CLCC1: variants seen among roughly 807,000 people sequenced by gnomAD.
CLCC1 encodes chloride channel CLIC like 1.
Under a neutral mutation model 63.3 loss-of-function variants are expected in CLCC1, and 39 were observed. The observed-to-expected ratio is 0.62, with a 90% CI of 0.48 to 0.81. The LOEUF (loss-of-function observed/expected upper bound fraction) is 0.81, where lower values mean the gene tolerates loss of function less well. Among genes scored for constraint, CLCC1 ranks in the 30% least tolerant of loss-of-function variants. The probability of loss-of-function intolerance (pLI) is 0.00; values close to 1 mark genes in which losing one functional copy is unlikely to be tolerated. For synonymous variants in CLCC1, 217 were observed against 239.8 expected (o/e 0.90, Z 0.88); for missense variants, 549 against 669.4 (o/e 0.82, Z 1.98).
Position 108,931,174 on chromosome 1 carries a change from C to A in CLCC1, c.*1373G>T. On this transcript the variant is annotated 3_prime_UTR_variant, in exon 13 of 13. Transcript: ENST00000369969. ...TAAGTTCTAATATAAAAACAAAAAACAAAACCCATGTGGTTAGGTCAAGAA... is the reference window on the plus strand; with the variant it reads ...TAAGTTCTAATATAAAAACAAAAAAAAAAACCCATGTGGTTAGGTCAAGAA... 2.4e-6 allele frequency: 2 copies of A among 823,174 alleles called. No homozygotes were observed. The highest frequency in any genetic ancestry group is 3.0e-5 in the East Asian group (1 of 33,214). 51.0% of individuals were successfully genotyped at this position (823,174 alleles called of 1,614,324 possible).
intron 12 of CLCC1, chr1:108,933,627 A>G (rs895248734): frequency 6.6e-6 from 1 of 152,266 alleles, no homozygotes; most frequent in African/African-American, 2.4e-5. Flanking sequence ...TAGTGTGAAT[A>G]TGGTTAAAAC....
At chr1:108,942,182 G>A (rs1405641902) in intron 7 of CLCC1, among the ~76,000 whole-genome samples, 1 of 152,164 alleles carries the variant, frequency 6.6e-6, no homozygotes, top group Middle Eastern at 3.2e-3. Flanking sequence ...AGGTTGCATT[G>A]AGCCGAGATT....
intron 6 of CLCC1, 80 bp from the exon 7 acceptor site, chr1:108,943,695 T>A: frequency 6.4e-7 from 1 of 1,565,140 alleles, no homozygotes; most frequent in South Asian, 1.1e-5. Flanking sequence ...AAGCACAAAA[T>A]CATTTCTACA....
intron 9 of CLCC1, 76 bp downstream of exon 9, chr1:108,939,969 T>C: frequency 7.5e-7 from 1 of 1,330,702 alleles, no homozygotes; most frequent in Non-Finnish European, 1.0e-6. Flanking sequence ...GCAAAATGAC[T>C]CAAACACTAA....
intron 2 of CLCC1, among the ~76,000 whole-genome samples, chr1:108,960,319 C>T (rs1656458061): frequency 6.6e-6 from 1 of 152,016 alleles, no homozygotes; most frequent in Non-Finnish European, 1.5e-5. Context: ...AGAAGACAAG[C>T]CAAAATATGC....
At position 108,929,916 on chromosome 1, in the gene CLCC1, A is replaced by G; in HGVS notation, c.*2631T>C. ...ATGCTTTGTTGGAGTTTAAAAATTCAGGGAAAAAATCGGCAGACCATTAGT... is the reference window on the plus strand; with the variant it reads ...ATGCTTTGTTGGAGTTTAAAAATTCGGGGAAAAAATCGGCAGACCATTAGT... On this transcript the variant is annotated 3_prime_UTR_variant, in exon 13 of 13. Transcript: ENST00000369969. 1 of 1,613,582 alleles carries G rather than the reference A, an allele frequency of 6.2e-7. No homozygotes were observed. The highest frequency in any genetic ancestry group is 8.5e-7 in the Non-Finnish European group (1 of 1,179,528).
chr1:108,945,347 C>T (rs1163551512), intron 5 of CLCC1, among the ~76,000 whole-genome samples: 2 of 152,084 alleles, frequency 1.3e-5, no homozygotes, highest in Non-Finnish European at 2.9e-5. Flanking sequence ...AAAATCACCC[C>T]TCTCCCCTCA....
At chr1:108,960,723 A>G (rs772787643) in intron 2 of CLCC1, among the ~76,000 whole-genome samples, 2 of 152,228 alleles carry the variant, frequency 1.3e-5, no homozygotes, top group Non-Finnish European at 2.9e-5. Context: ...AGAGAAATTA[A>G]GAGTAATTTG....
chr1:108,941,372 T>C (rs1455031656), intron 8 of CLCC1, 33 bp downstream of exon 8: 3 of 1,556,090 alleles, frequency 1.9e-6, no homozygotes, highest in South Asian at 2.3e-5. Context: ...AGAATTTCTA[T>C]TCAAAATAAG....
At chr1:108,939,824 C>T (rs777709863) in intron 9 of CLCC1, 42 bp from the exon 10 acceptor site, 1 of 1,597,542 alleles carries the variant, frequency 6.3e-7, no homozygotes, top group Non-Finnish European at 8.5e-7. Flanking sequence ...CCTCACAGGA[C>T]TAAGGTACAG....
At chr1:108,941,578 A>G in intron 7 of CLCC1, 80 bp from the exon 8 acceptor site, 1 of 934,556 alleles carries the variant, frequency 1.1e-6, no homozygotes. Context: ...CCTTCATTCA[A>G]AGAGTGTCTT....
At position 108,929,892 on chromosome 1, in the gene CLCC1, T is replaced by A; in HGVS notation, c.*2655A>T. The A allele has an allele frequency of 1.9e-6, 3 of 1,613,782 alleles. No individual in the cohort carries two copies. The highest frequency in any genetic ancestry group is 2.5e-6 in the Non-Finnish European group (3 of 1,179,632). ...GGCTAAAGGACTTTTTGCAAAATAA[T>A]GCTTTGTTGGAGTTTAAAAATTCAG... is the stretch of plus-strand genomic sequence containing the variant. On this transcript the variant is annotated 3_prime_UTR_variant, in exon 13 of 13. Coordinates refer to ENST00000369969, the MANE Select transcript of CLCC1 (RefSeq NM_001377458.1).
intron 11 of CLCC1, among the ~76,000 whole-genome samples, chr1:108,936,477 G>T (rs1653019272): frequency 6.6e-6 from 1 of 152,262 alleles, no homozygotes; most frequent in East Asian, 1.9e-4. Context: ...ATTCTATTAT[G>T]CTCATAACTG....
At position 108,931,080 on chromosome 1, in the gene CLCC1, G is replaced by T; in HGVS notation, c.*1467C>A. The T allele has an allele frequency of 6.7e-6, 2 of 297,798 alleles. No individual in the cohort carries two copies. 18.4% of individuals were successfully genotyped at this position (297,798 alleles called of 1,614,324 possible). A position where few individuals can be genotyped will look rare whatever the true frequency, so the allele number is the denominator to read the frequency against. On this transcript the variant is annotated 3_prime_UTR_variant, in exon 13 of 13. Coordinates refer to ENST00000369969, the MANE Select transcript of CLCC1 (RefSeq NM_001377458.1). ...AAAACAAGTATCTTTTGTGTGTTTT[G>T]GGCTGTTTAAAAAAATTATTTAAAA... is the stretch of plus-strand genomic sequence containing the variant.
intron 12 of CLCC1, chr1:108,933,960 A>G (rs1264913442): frequency 6.6e-6 from 1 of 152,266 alleles, no homozygotes; most frequent in East Asian, 1.9e-4. Flanking sequence ...TTTTATAAAA[A>G]GCCCATGCAC....
intron 11 of CLCC1, 76 bp from the exon 12 acceptor site, chr1:108,935,018 C>A: frequency 7.0e-7 from 1 of 1,428,356 alleles, no homozygotes; most frequent in Non-Finnish European, 9.4e-7. Flanking sequence ...CTAAAAAGTT[C>A]CCACCCAAAT....
chr1:108,930,010 G>T lies in CLCC1; in HGVS notation c.*2537C>A. 7.0e-7 allele frequency: 1 copy of T among 1,422,772 alleles called. No homozygotes were observed. Among genetic ancestry groups the T allele is most frequent in the African/African-American group, 1.4e-5 (1 of 70,688 alleles). The allele number at this position is 1,422,772 out of a possible 1,614,324, so 88.1% of individuals were successfully genotyped here. A position where few individuals can be genotyped will look rare whatever the true frequency, so the allele number is the denominator to read the frequency against. On this transcript the variant is annotated 3_prime_UTR_variant, in exon 13 of 13. Coordinates refer to ENST00000369969, the MANE Select transcript of CLCC1 (RefSeq NM_001377458.1). ...CAATCTATTACTTTTTTCCTTAAAA[G>T]GAGAATTTATAGCACTGTAATACAG...
chr1:108,956,882 A>AGGGAGGCGGGGAGGCGGGGAGGTG (rs1655967255), intron 2 of CLCC1, among the ~76,000 whole-genome samples: 2 of 104,420 alleles, frequency 1.9e-5, no homozygotes, highest in African/African-American at 8.2e-5. Context: ...GCTGGGAGGC[A>AGGGAGGCGGGGAGGCGGGGAGGTG]GGGAGGCGGG....
chr1:108,931,226 CAG>C lies in CLCC1; in HGVS notation c.*1319_*1320del. On this transcript the variant is annotated 3_prime_UTR_variant, in exon 13 of 13. Coordinates refer to ENST00000369969, the MANE Select transcript of CLCC1 (RefSeq NM_001377458.1). Reference sequence around the variant, plus strand: ...CTAGGACACATAAACAAACAGAAAACAGATGAAAACTCACAAAAATTAAATAT... The same window carrying C: ...CTAGGACACATAAACAAACAGAAAACATGAAAACTCACAAAAATTAAATAT... 1 of 1,340,044 alleles carries C rather than the reference CAG, an allele frequency of 7.5e-7. No homozygotes were observed. The highest frequency in any genetic ancestry group is 1.6e-5 in the South Asian group (1 of 63,800). The allele number at this position is 1,340,044 out of a possible 1,614,324, so 83.0% of individuals were successfully genotyped here.
Sources: gnomAD v4.1 joint callset for allele counts (sites outside exome capture counted in the v4.1 genomes callset) on GRCh38, gnomAD v4.1.1 for gene constraint, MANE v1.5 for transcripts, NCBI Gene and HGNC (gene_info 2026-07-23, HGNC 2026-07-21) for gene names.